AUTS2: variants seen among roughly 807,000 people sequenced by gnomAD.
AUTS2 encodes the protein activator of transcription and developmental regulator AUTS2, also known as autism susceptibility gene 2 protein.
Under a neutral mutation model 112.4 loss-of-function variants are expected in AUTS2, and 17 were observed. That is an observed-to-expected ratio of 0.15 (90% CI 0.10 to 0.23). The LOEUF (loss-of-function observed/expected upper bound fraction) is 0.23, where lower values mean the gene tolerates loss of function less well. Among genes scored for constraint, AUTS2 ranks in the 10% least tolerant of loss-of-function variants. The probability of loss-of-function intolerance (pLI) is 1.00; values close to 1 mark genes in which losing one functional copy is unlikely to be tolerated. For missense variants in AUTS2, 1,510 were observed against 1,701.6 expected (o/e 0.89, Z 1.98); for synonymous variants, 751 against 702.7 (o/e 1.07, Z -1.09).
chr7:70,639,903 A>G (rs1017697078), intron 5 of AUTS2, among the ~76,000 whole-genome samples: 13 of 152,288 alleles, frequency 8.5e-5, no homozygotes, highest in Admixed American at 2.6e-4. Flanking sequence ...TGAGTTCAGC[A>G]CTGCTTGTGC....
chr7:69,921,748 C>T (rs569577207), intron 2 of AUTS2, among the ~76,000 whole-genome samples: 73 of 121,386 alleles, frequency 6.0e-4, no homozygotes, highest in Admixed American at 1.1e-3. Flanking sequence ...TGCAACAGAG[C>T]GAGACTCTGT....
At chr7:70,079,342 A>T (rs1314432344) in intron 2 of AUTS2, among the ~76,000 whole-genome samples, 1 of 151,850 alleles carries the variant, frequency 6.6e-6, no homozygotes, top group African/African-American at 2.4e-5. Flanking sequence ...AAGTTATATT[A>T]AAAAAAATAA....
chr7:69,618,994 C>A (rs1442167514), intron 1 of AUTS2, among the ~76,000 whole-genome samples: 1 of 152,052 alleles, frequency 6.6e-6, no homozygotes, highest in Non-Finnish European at 1.5e-5. Context: ...CTCCCCAAGG[C>A]GAGGATTCTA....
At chr7:70,608,550 A>G (rs1026340382) in intron 5 of AUTS2, among the ~76,000 whole-genome samples, 2 of 152,098 alleles carry the variant, frequency 1.3e-5, no homozygotes, top group Non-Finnish European at 2.9e-5. Flanking sequence ...CTATTTTCTT[A>G]TTGGGATAAC....
intron 3 of AUTS2, among the ~76,000 whole-genome samples, chr7:70,126,391 A>G (rs1463949994): frequency 6.6e-6 from 1 of 152,154 alleles, no homozygotes; most frequent in African/African-American, 2.4e-5. Flanking sequence ...CCTGGGTGAC[A>G]GAGTGAGACT....
chr7:69,715,701 A>G (rs1450066377), intron 1 of AUTS2, among the ~76,000 whole-genome samples: 1 of 152,230 alleles, frequency 6.6e-6, no homozygotes, highest in Admixed American at 6.5e-5. Flanking sequence ...CTCAGAGATG[A>G]TAATGTGACC....
chr7:70,432,299 T>A (rs1205779907), intron 4 of AUTS2, among the ~76,000 whole-genome samples: 1 of 152,168 alleles, frequency 6.6e-6, no homozygotes, highest in Non-Finnish European at 1.5e-5. Context: ...AGGAGGTGGC[T>A]CAATGTGAAC....
At position 69,786,488 on chromosome 7, in the gene AUTS2, C is replaced by T. The variant is rs143757855; in HGVS notation, c.310-112798C>T. Among the ~76,000 whole-genome samples the T allele has an allele frequency of 2.4e-3, 370 of 152,318 alleles. 1 individual carries two copies. Among genetic ancestry groups the T allele is most frequent in the African/African-American group, 8.2e-3 (339 of 41,580 alleles). ...AAAATAAGGGAATAAAAGCTGGCCA[C>T]CCCAGCCAGCAGTGGCAACCCGCTT... On this transcript the variant is annotated intron_variant, in intron 1 of 18. Coordinates refer to ENST00000342771, the MANE Select transcript of AUTS2 (RefSeq NM_015570.4).
chr7:70,514,903 T>A (rs10950205), intron 5 of AUTS2, among the ~76,000 whole-genome samples: 36,773 of 152,202 alleles, frequency 0.24, 4,611 homozygotes, highest in Middle Eastern at 0.35. Context: ...ACTAGTGAAA[T>A]TGAGCATCTT....
intron 1 of AUTS2, among the ~76,000 whole-genome samples, chr7:69,640,388 C>T (rs564737734): frequency 6.6e-6 from 1 of 152,298 alleles, no homozygotes; most frequent in Admixed American, 6.5e-5. Context: ...TTAAGTAGTG[C>T]ACAGTTCAGT....
At chr7:70,071,537 GA>G (rs973044581) in intron 2 of AUTS2, among the ~76,000 whole-genome samples, 3 of 152,082 alleles carry the variant, frequency 2.0e-5, no homozygotes, top group South Asian at 2.1e-4. Flanking sequence ...CAGTAGTGGG[GA>G]AAAAAATGGA....
intron 4 of AUTS2, among the ~76,000 whole-genome samples, chr7:70,178,185 G>A (rs1809097825): frequency 6.6e-6 from 1 of 152,104 alleles, no homozygotes; most frequent in African/African-American, 2.4e-5. Flanking sequence ...CTAACATGAT[G>A]TCCTTTAGCC....
At chr7:70,756,089 A>C (rs1789179628) in intron 6 of AUTS2, among the ~76,000 whole-genome samples, 1 of 152,150 alleles carries the variant, frequency 6.6e-6, no homozygotes, top group African/African-American at 2.4e-5. Flanking sequence ...GACTGCAATT[A>C]ATGTTTATCT....
intron 6 of AUTS2, among the ~76,000 whole-genome samples, chr7:70,710,279 C>A (rs1809980487): frequency 6.6e-6 from 1 of 152,108 alleles, no homozygotes; most frequent in Non-Finnish European, 1.5e-5. Context: ...CCCAAGAGCA[C>A]CCCAGGGGCA....
At chr7:69,675,985 A>G (rs1796547384) in intron 1 of AUTS2, among the ~76,000 whole-genome samples, 1 of 152,160 alleles carries the variant, frequency 6.6e-6, no homozygotes. Context: ...TGTAGAAGGT[A>G]TTATATTGGT....
intron 4 of AUTS2, among the ~76,000 whole-genome samples, chr7:70,333,979 C>T (rs1790875963): frequency 6.6e-6 from 1 of 152,022 alleles, no homozygotes; most frequent in Non-Finnish European, 1.5e-5. Context: ...AGAAATACAG[C>T]TGATTTTTGT....
intron 2 of AUTS2, among the ~76,000 whole-genome samples, chr7:69,899,792 A>G (rs1794901082): frequency 6.6e-6 from 1 of 152,246 alleles, no homozygotes; most frequent in Non-Finnish European, 1.5e-5. Context: ...ACAGTTGTCA[A>G]GATGGACTGG....
chr7:70,327,108 G>T (rs1479299354), intron 4 of AUTS2, among the ~76,000 whole-genome samples: 1 of 151,940 alleles, frequency 6.6e-6, no homozygotes, highest in Admixed American at 6.6e-5. Context: ...AGTAGAGACA[G>T]CATTTTGCCA....
At chr7:69,946,707 A>G (rs1796828732) in intron 2 of AUTS2, among the ~76,000 whole-genome samples, 1 of 152,152 alleles carries the variant, frequency 6.6e-6, no homozygotes, top group Admixed American at 6.5e-5. Context: ...TTGCCAAATC[A>G]TACTCCATTT....
Sources: gnomAD v4.1 joint callset for allele counts (sites outside exome capture counted in the v4.1 genomes callset) on GRCh38, gnomAD v4.1.1 for gene constraint, MANE v1.5 for transcripts, NCBI Gene and HGNC (gene_info 2026-07-23, HGNC 2026-07-21) for gene names.